Variants in NEGR1 observed in about 807,000 individuals in gnomAD.
NEGR1 encodes the protein neuronal growth regulator 1, also known as IgLON family member 4.
Under a neutral mutation model 40.9 loss-of-function variants are expected in NEGR1, and 10 were observed. The observed-to-expected ratio is 0.24, with a 90% CI of 0.15 to 0.42. The LOEUF (loss-of-function observed/expected upper bound fraction) is 0.42. Ranked by LOEUF, NEGR1 falls within the 10% of genes least tolerant of loss-of-function variation. The pLI is 1.00. For missense variants in NEGR1, 352 were observed against 438.9 expected (o/e 0.80, Z 1.77); for synonymous variants, 185 against 166.8 (o/e 1.11, Z -0.84).
chr1:71,681,688 C>T (rs974472925), intron 4 of NEGR1, among the ~76,000 whole-genome samples: 3 of 152,136 alleles, frequency 2.0e-5, no homozygotes, highest in African/African-American at 4.8e-5. Flanking sequence ...TTGCCTATTT[C>T]CCACGTCCCT....
chr1:71,493,921 C>A (rs756714905), intron 6 of NEGR1, among the ~76,000 whole-genome samples: 33 of 152,172 alleles, frequency 2.2e-4, no homozygotes, highest in Non-Finnish European at 4.3e-4. Context: ...TCTTTAGCAT[C>A]TCCTTTCATT....
chr1:72,133,622 T>C (rs934254393), intron 1 of NEGR1, among the ~76,000 whole-genome samples: 4 of 151,898 alleles, frequency 2.6e-5, no homozygotes, highest in African/African-American at 9.7e-5. Flanking sequence ...CTAAAATCAA[T>C]GTTTAAATAA....
At chr1:71,533,539 T>TAC (rs1300613528) in intron 6 of NEGR1, among the ~76,000 whole-genome samples, 8 of 151,690 alleles carry the variant, frequency 5.3e-5, no homozygotes, top group Admixed American at 5.3e-4. Context: ...CACAAACATG[T>TAC]ACATGTTTTA....
At chr1:71,867,272 G>T (rs1216574858) in intron 2 of NEGR1, among the ~76,000 whole-genome samples, 1 of 152,176 alleles carries the variant, frequency 6.6e-6, no homozygotes, top group African/African-American at 2.4e-5. Context: ...TACTCAGGAG[G>T]CTAAGGCAGG....
intron 6 of NEGR1, among the ~76,000 whole-genome samples, chr1:71,453,333 TA>T (rs1164804293): frequency 3.3e-5 from 5 of 152,092 alleles, no homozygotes; most frequent in Non-Finnish European, 7.4e-5. Context: ...TTTAATTATA[TA>T]ATAAACTGTC....
intron 6 of NEGR1, among the ~76,000 whole-genome samples, chr1:71,437,304 T>A (rs1260527412): frequency 6.6e-6 from 1 of 152,088 alleles, no homozygotes; most frequent in Non-Finnish European, 1.5e-5. Context: ...AAGGGTAAAA[T>A]GTTTCTTTTA....
chr1:72,217,476 C>T lies in NEGR1; in HGVS notation c.176+64843G>A, dbSNP rs76568495. On this transcript the variant is annotated intron_variant, in intron 1 of 6. Transcript: ENST00000357731. Reference sequence around the variant, plus strand: ...AGGACTTTCTGAGATAAGGTTAATGCCAATATGATTTCTTCTGGCAAAAAT... The same window carrying T: ...AGGACTTTCTGAGATAAGGTTAATGTCAATATGATTTCTTCTGGCAAAAAT... Among the ~76,000 whole-genome samples the T allele has an allele frequency of 5.1e-3, 777 of 151,476 alleles. 6 individuals carry two copies. Among genetic ancestry groups the T allele is most frequent in the African/African-American group, 0.018 (731 of 41,378 alleles).
chr1:71,655,088 A>G (rs1651836310), intron 4 of NEGR1, among the ~76,000 whole-genome samples: 1 of 152,204 alleles, frequency 6.6e-6, no homozygotes, highest in African/African-American at 2.4e-5. Context: ...ACACAGTTTT[A>G]ATTCCATTTA....
intron 1 of NEGR1, among the ~76,000 whole-genome samples, chr1:72,278,426 T>G (rs559454518): frequency 1.3e-5 from 2 of 152,234 alleles, no homozygotes; most frequent in East Asian, 1.9e-4. Context: ...ACTGGGAGAA[T>G]GTAAATGAGA....
intron 6 of NEGR1, among the ~76,000 whole-genome samples, chr1:71,575,877 T>C (rs1006219249): frequency 6.6e-6 from 1 of 152,128 alleles, no homozygotes; most frequent in African/African-American, 2.4e-5. Context: ...AAATTAACTG[T>C]ATTGGAAGGC....
intron 1 of NEGR1, among the ~76,000 whole-genome samples, chr1:71,977,696 A>T (rs1170976323): frequency 6.6e-6 from 1 of 151,626 alleles, no homozygotes; most frequent in African/African-American, 2.4e-5. Context: ...TCATTATGAA[A>T]ATTTTTAAAA....
chr1:71,918,293 G>C (rs190804812), intron 2 of NEGR1, among the ~76,000 whole-genome samples: 1 of 131,768 alleles, frequency 7.6e-6, no homozygotes, highest in Non-Finnish European at 1.6e-5. Context: ...AAAAACAAGT[G>C]TATGAACTGT....
intron 3 of NEGR1, among the ~76,000 whole-genome samples, chr1:71,750,914 GA>G (rs1220777274): frequency 1.3e-5 from 2 of 151,938 alleles, no homozygotes; most frequent in African/African-American, 4.8e-5. Context: ...AATATAATGG[GA>G]AAAAATGTTA....
intron 3 of NEGR1, among the ~76,000 whole-genome samples, chr1:71,710,858 G>A (rs1411788196): frequency 6.6e-6 from 1 of 151,976 alleles, no homozygotes; most frequent in South Asian, 2.1e-4. Context: ...TAACTTAATT[G>A]TATATTTTAA....
At chr1:72,216,500 G>C (rs1398628440) in intron 1 of NEGR1, among the ~76,000 whole-genome samples, 1 of 149,070 alleles carries the variant, frequency 6.7e-6, no homozygotes, top group African/African-American at 2.5e-5. Flanking sequence ...CATTTTTAAA[G>C]ATGTAATTAT....
intron 6 of NEGR1, among the ~76,000 whole-genome samples, chr1:71,498,779 A>G (rs1029871768): frequency 2.0e-5 from 3 of 152,194 alleles, no homozygotes; most frequent in African/African-American, 7.2e-5. Context: ...CATACTCATG[A>G]CCACTCATAA....
chr1:71,925,900 A>G (rs1570510271), intron 2 of NEGR1, among the ~76,000 whole-genome samples: 1 of 152,134 alleles, frequency 6.6e-6, no homozygotes, highest in Non-Finnish European at 1.5e-5. Flanking sequence ...GATAGTGTAC[A>G]TTGCACTGGG....
At chr1:71,459,660 C>T (rs1258395520) in intron 6 of NEGR1, among the ~76,000 whole-genome samples, 1 of 152,148 alleles carries the variant, frequency 6.6e-6, no homozygotes, top group African/African-American at 2.4e-5. Flanking sequence ...CAAATCCTGC[C>T]CATCCACTAA....
intron 1 of NEGR1, among the ~76,000 whole-genome samples, chr1:72,261,723 G>A (rs1035785231): frequency 8.6e-5 from 13 of 152,000 alleles, no homozygotes; most frequent in African/African-American, 3.1e-4. Flanking sequence ...CAACATGGAT[G>A]AAACTGGAGG....
Sources: gnomAD v4.1 joint callset for allele counts (sites outside exome capture counted in the v4.1 genomes callset) on GRCh38, gnomAD v4.1.1 for gene constraint, MANE v1.5 for transcripts, NCBI Gene and HGNC (gene_info 2026-07-23, HGNC 2026-07-21) for gene names.